SIK3: variants seen among roughly 807,000 people sequenced by gnomAD.
SIK3 encodes the protein SIK family kinase 3.
In SIK3, 28 loss-of-function variants were observed where a neutral mutation model predicts 144.2. The ratio of observed to expected loss-of-function variants is 0.19; its 90% CI spans 0.14 to 0.27. SIK3 has a LOEUF of 0.27. Among genes scored for constraint, SIK3 ranks in the 10% least tolerant of loss-of-function variants. The pLI is 1.00. For synonymous variants in SIK3, 686 were observed against 676.3 expected, an observed-to-expected ratio of 1.01 and a Z score of -0.22; for missense variants, 1,319 against 1,776.0, an observed-to-expected ratio of 0.74 and a Z score of 4.62.
chr11:117,074,742 G>C (rs1954430460), intron 1 of SIK3, among the ~76,000 whole-genome samples: 1 of 151,826 alleles, frequency 6.6e-6, no homozygotes, highest in Non-Finnish European at 1.5e-5. Flanking sequence ...AGCCAACATG[G>C]TGAAACCCTG....
At chr11:116,918,033 T>A (rs1370666883) in intron 4 of SIK3, among the ~76,000 whole-genome samples, 1 of 152,208 alleles carries the variant, frequency 6.6e-6, no homozygotes, top group African/African-American at 2.4e-5. Context: ...AAACTTTGGC[T>A]TTTAATCATC....
intron 3 of SIK3, among the ~76,000 whole-genome samples, chr11:116,953,279 T>A (rs1385095924): frequency 2.0e-5 from 3 of 152,200 alleles, no homozygotes; most frequent in Admixed American, 1.3e-4. Flanking sequence ...AAATTTTTTT[T>A]AAAATGAGGA....
At chr11:117,048,830 T>C (rs1358027727) in intron 1 of SIK3, among the ~76,000 whole-genome samples, 1 of 151,682 alleles carries the variant, frequency 6.6e-6, no homozygotes, top group Non-Finnish European at 1.5e-5. Flanking sequence ...TAGCCAGGCA[T>C]GGTGGCTCAC....
chr11:117,015,398 C>T (rs10892061), intron 1 of SIK3, among the ~76,000 whole-genome samples: 69,266 of 151,946 alleles, frequency 0.46, 19,156 homozygotes, highest in Non-Finnish European at 0.64. Flanking sequence ...GCTATAACCA[C>T]TTTATTTATT....
intron 1 of SIK3, among the ~76,000 whole-genome samples, chr11:117,071,199 A>AAT (rs1555145922): frequency 9.2e-5 from 14 of 151,398 alleles, no homozygotes; most frequent in South Asian, 2.1e-4. Context: ...AAAAAAAAAA[A>AAT]AATAACATGA....
In SIK3 at chr11:116,870,130, A is replaced by G. The variant is rs768164865; in HGVS notation, c.1808+201T>C. ...ATTGCTGTCACTTAGGGGACTTCCA[A>G]TGGTGCTTACAGAAATGACATTTTC... On this transcript the variant is annotated intron_variant, in intron 14 of 24. Transcript: ENST00000445177. The G allele has an allele frequency of 2.6e-6, 4 of 1,526,832 alleles. No homozygotes were observed. The South Asian group carries it at 3.6e-5, about 14-fold the overall frequency. The allele number at this position is 1,526,832 out of a possible 1,614,324, so 94.6% of individuals were successfully genotyped here. A position where few individuals can be genotyped will look rare whatever the true frequency, so the allele number is the denominator to read the frequency against.
chr11:116,849,356 T>C lies in SIK3; in HGVS notation c.3656-73A>G. On this transcript the variant is annotated intron_variant, in intron 21 of 24. Coordinates refer to ENST00000445177, the MANE Select transcript of SIK3 (RefSeq NM_001366686.3). The surrounding 1 kb of genome is among the most constrained non-coding windows in gnomAD (Gnocchi z 4.2). ...GCACTGGAAACTCCCATCCAAGAAA[T>C]GTCTTGCAAGGGACAATGGGCAAGG... The C allele has an allele frequency of 1.3e-6, 2 of 1,583,300 alleles. No individual in the cohort carries two copies. The highest frequency in any genetic ancestry group is 1.3e-5 in the African/African-American group (1 of 74,358).
At chr11:116,959,739 A>G (rs1007407798) in intron 1 of SIK3, among the ~76,000 whole-genome samples, 5 of 152,180 alleles carry the variant, frequency 3.3e-5, no homozygotes, top group African/African-American at 9.7e-5. Context: ...CAGCCACACA[A>G]TCACGTGGGT....
chr11:116,844,634 ATTATAT>A lies in SIK3; in HGVS notation c.*1003_*1008del, dbSNP rs1421265616. 2.8e-4 allele frequency: 28 copies of A among 101,000 alleles called. No homozygotes were observed. Among genetic ancestry groups the A allele is most frequent in the Non-Finnish European group, 2.2e-4 (12 of 54,446 alleles). The allele number at this position is 101,000 out of a possible 1,614,324, so 6.3% of individuals were successfully genotyped here. On this transcript the variant is annotated 3_prime_UTR_variant, in exon 25 of 25. Coordinates refer to ENST00000445177, the MANE Select transcript of SIK3 (RefSeq NM_001366686.3). ...TATATATATAATATATATATAATAT[ATTATAT>A]TATATATTATATATATAATATATAT...
intron 1 of SIK3, among the ~76,000 whole-genome samples, chr11:117,092,305 T>G (rs1955283626): frequency 6.6e-6 from 1 of 152,140 alleles, no homozygotes; most frequent in Non-Finnish European, 1.5e-5. Flanking sequence ...AACTCACTTC[T>G]GCCCCATGGC....
chr11:116,964,678 C>A (rs774746339), intron 1 of SIK3, among the ~76,000 whole-genome samples: 36 of 151,992 alleles, frequency 2.4e-4, no homozygotes, highest in Non-Finnish European at 4.1e-4. Context: ...GTCAGGAGCT[C>A]GAGACCAGCC....
At chr11:116,931,196 A>G (rs1947585661) in intron 3 of SIK3, among the ~76,000 whole-genome samples, 1 of 152,258 alleles carries the variant, frequency 6.6e-6, no homozygotes, top group Admixed American at 6.5e-5. Context: ...TAATATTGTT[A>G]GAAGTACAGG....
intron 1 of SIK3, among the ~76,000 whole-genome samples, chr11:117,001,517 A>AT (rs397814177): frequency 2.0e-5 from 3 of 151,268 alleles, no homozygotes; most frequent in Non-Finnish European, 4.4e-5. Context: ...AAAAAAAAAA[A>AT]TTTAAAATAA....
intron 17 of SIK3, 114 bp from the exon 18 acceptor site, chr11:116,862,040 T>C: frequency 1.6e-6 from 2 of 1,271,020 alleles, no homozygotes; most frequent in African/African-American, 1.5e-5. Flanking sequence ...ATTTATGCTT[T>C]TGTTGTTCAC....
chr11:117,038,972 C>G (rs1399952181), intron 1 of SIK3, among the ~76,000 whole-genome samples: 2 of 151,858 alleles, frequency 1.3e-5, no homozygotes, highest in Non-Finnish European at 2.9e-5. Context: ...ATTGTTTGAA[C>G]CTGGGAGGCG....
chr11:116,950,323 G>C, intron 3 of SIK3: 1 of 339,378 alleles, frequency 2.9e-6, no homozygotes, highest in South Asian at 2.2e-5. Flanking sequence ...AAAATTACAG[G>C]AGACCATTGT....
chr11:116,877,303 G>A (rs891655057), intron 6 of SIK3, among the ~76,000 whole-genome samples: 2 of 152,196 alleles, frequency 1.3e-5, no homozygotes, highest in African/African-American at 4.8e-5. Context: ...GAAAAGGTCT[G>A]GGGATAATCC....
chr11:116,847,933 A>G (rs776983548), intron 22 of SIK3, among the ~76,000 whole-genome samples: 41 of 152,300 alleles, frequency 2.7e-4, no homozygotes, highest in Admixed American at 1.0e-3. Flanking sequence ...TTAGGACAGC[A>G]CCGTCCAGTC....
At chr11:116,996,236 A>C (rs1193311283) in intron 1 of SIK3, among the ~76,000 whole-genome samples, 1 of 152,116 alleles carries the variant, frequency 6.6e-6, no homozygotes, top group Non-Finnish European at 1.5e-5. Flanking sequence ...TGAACCTGGG[A>C]GACAAAGGTT....
Sources: gnomAD v4.1 joint callset for allele counts (sites outside exome capture counted in the v4.1 genomes callset) on GRCh38, gnomAD v4.1.1 for gene constraint, Gnocchi (gnomAD v3.1) non-coding constraint, MANE v1.5 for transcripts, NCBI Gene and HGNC (gene_info 2026-07-23, HGNC 2026-07-21) for gene names.